The following ANO10 variants were observed in gnomAD, a reference collection of about 807,000 sequenced individuals.
ANO10 encodes the protein anoctamin-10.
A neutral mutation model predicts 74.7 loss-of-function variants in ANO10; 77 were observed. The ratio of observed to expected loss-of-function variants is 1.03; its 90% confidence interval spans 0.86 to 1.25. ANO10 has a LOEUF of 1.25. ANO10 is among the 50% of genes most tolerant of loss of function. The pLI is 0.00. For missense variants in ANO10, 721 were observed against 778.1 expected, an observed-to-expected ratio of 0.93 and a Z score of 0.87; for synonymous variants, 279 against 284.9, an observed-to-expected ratio of 0.98 and a Z score of 0.21.
chr3:43,504,720 G>A (rs2149161424), intron 11 of ANO10, among the ~76,000 whole-genome samples: 1 of 152,070 alleles, frequency 6.6e-6, no homozygotes, highest in South Asian at 2.1e-4. Context: ...TCGGCTCACT[G>A]CAACCTCTGC....
chr3:43,553,595 G>A (rs978831073), intron 10 of ANO10, among the ~76,000 whole-genome samples: 2 of 150,544 alleles, frequency 1.3e-5, no homozygotes, highest in African/African-American at 4.9e-5. Context: ...GGAGTGCAGT[G>A]GCGCAATCCA....
intron 7 of ANO10, among the ~76,000 whole-genome samples, chr3:43,571,295 G>T (rs1292783384): frequency 6.6e-6 from 1 of 152,240 alleles, no homozygotes; most frequent in East Asian, 1.9e-4. Context: ...CAGGGATCTA[G>T]AACTGGAAAT....
chr3:43,460,633 T>C (rs993215470), intron 11 of ANO10, among the ~76,000 whole-genome samples: 1 of 152,142 alleles, frequency 6.6e-6, no homozygotes, highest in Non-Finnish European at 1.5e-5. Flanking sequence ...TAATTCTCAA[T>C]ATGAACAGAT....
In ANO10 at chr3:43,495,128, T is replaced by A. The variant is rs143897459; in HGVS notation, c.1797+54592A>T. 7.2e-3 allele frequency among the ~76,000 whole-genome samples: 1,098 copies of A among 152,146 alleles called. 6 individuals are homozygous for A. Among genetic ancestry groups the A allele is most frequent in the Non-Finnish European group, 0.012 (843 of 67,966 alleles). On this transcript the variant is annotated intron_variant, in intron 11 of 12. Coordinates refer to ENST00000292246, the MANE Select transcript of ANO10 (RefSeq NM_018075.5). ...AAATAACGTGATAAAAGTAGGACTT[T>A]AGGTTACTGGAAAAGACGGTTTAAT... is the stretch of plus-strand genomic sequence containing the variant.
intron 11 of ANO10, among the ~76,000 whole-genome samples, chr3:43,509,488 A>G (rs1339624492): frequency 2.6e-5 from 4 of 152,230 alleles, no homozygotes; most frequent in South Asian, 4.1e-4. Context: ...AATTAAAACT[A>G]CAATGCAATA....
chr3:43,575,782 C>A (rs991832528), intron 6 of ANO10, among the ~76,000 whole-genome samples: 2 of 152,046 alleles, frequency 1.3e-5, no homozygotes, highest in African/African-American at 4.8e-5. Context: ...GGACTACAGG[C>A]GTGTGCCACC....
In ANO10 at chr3:43,672,558, A is replaced by T. The variant is rs554466842; in HGVS notation, c.-12+18959T>A. Among the ~76,000 whole-genome samples the T allele has an allele frequency of 1.1e-4, 16 of 152,198 alleles. 1 individual carries two copies. In the South Asian group the frequency reaches 3.3e-3, roughly 32 times the overall value. The stretch of plus-strand genomic sequence containing the variant: ...AAATTAAAAAACAAACAAACAAACA[A>T]AAAACACCTTATTTCAGATGCACTT... On this transcript the variant is annotated intron_variant, in intron 1 of 3. Coordinates refer to the ANO10 transcript ENST00000413397.
intron 7 of ANO10, among the ~76,000 whole-genome samples, chr3:43,565,953 A>T (rs1575440033): frequency 6.6e-6 from 1 of 152,258 alleles, no homozygotes; most frequent in East Asian, 1.9e-4. Flanking sequence ...AGTGCCAGAC[A>T]GTGGACGCAG....
intron 12 of ANO10, among the ~76,000 whole-genome samples, chr3:43,417,604 T>C (rs567369982): frequency 5.1e-4 from 78 of 152,304 alleles, no homozygotes; most frequent in African/African-American, 1.4e-3. Flanking sequence ...GTTCGTGTCC[T>C]AAATTTTCTT....
intron 1 of ANO10, chr3:43,691,367 GGCC>G (rs2084378109): frequency 4.7e-6 from 1 of 210,896 alleles, no homozygotes; most frequent in African/African-American, 2.3e-5. Flanking sequence ...TGGCCGCGGC[GGCC>G]GCACCGGCTC....
chr3:43,494,930 A>T (rs886871480), intron 11 of ANO10, among the ~76,000 whole-genome samples: 3 of 151,286 alleles, frequency 2.0e-5, no homozygotes, highest in South Asian at 2.1e-4. Flanking sequence ...AAGTTTATAT[A>T]AAAAAAATAA....
chr3:43,482,358 T>C (rs2076306753), intron 11 of ANO10, among the ~76,000 whole-genome samples: 1 of 152,084 alleles, frequency 6.6e-6, no homozygotes. Flanking sequence ...TCAGAATAAG[T>C]CTCTTCAAAT....
intron 11 of ANO10, among the ~76,000 whole-genome samples, chr3:43,440,752 T>A (rs1424898881): frequency 6.6e-6 from 1 of 152,006 alleles, no homozygotes; most frequent in African/African-American, 2.4e-5. Flanking sequence ...GAATAAACAT[T>A]CTTCTCAAGT....
intron 12 of ANO10, chr3:43,372,663 C>G: frequency 3.5e-6 from 2 of 567,470 alleles, no homozygotes; most frequent in South Asian, 4.6e-5. Flanking sequence ...CTGCACTCCT[C>G]GCATTACCAT....
At chr3:43,399,177 C>T (rs1285360611) in intron 12 of ANO10, among the ~76,000 whole-genome samples, 1 of 152,202 alleles carries the variant, frequency 6.6e-6, no homozygotes, top group Non-Finnish European at 1.5e-5. Flanking sequence ...ACACTTAGAA[C>T]AGTGTCTGAA....
Position 43,507,144 on chromosome 3 carries a change from T to C in ANO10, c.1797+42576A>G, listed in dbSNP as rs140063593. Among the ~76,000 whole-genome samples the C allele has an allele frequency of 5.9e-5, 9 of 152,298 alleles. No homozygotes were observed. The East Asian group carries it at 7.7e-4, about 13-fold the overall frequency. ...TTTGTTAGCAGGTTTGGTATCATTA[T>C]CTTTTTATCTACCCAAGAGTTGATA... is the stretch of plus-strand genomic sequence containing the variant. On this transcript the variant is annotated intron_variant, in intron 11 of 12. Transcript: ENST00000292246.
intron 1 of ANO10, among the ~76,000 whole-genome samples, chr3:43,663,443 G>A (rs1186337242): frequency 3.3e-5 from 5 of 152,128 alleles, no homozygotes; most frequent in African/African-American, 1.2e-4. Flanking sequence ...CATACTGAAT[G>A]GGCAAAAACT....
At chr3:43,536,367 C>A (rs2078710364) in intron 11 of ANO10, among the ~76,000 whole-genome samples, 1 of 152,166 alleles carries the variant, frequency 6.6e-6, no homozygotes, top group Non-Finnish European at 1.5e-5. Flanking sequence ...CACATGAATA[C>A]CCTGTGCCCT....
Position 43,493,769 on chromosome 3 carries a change from T to A in ANO10, c.1797+55951A>T, listed in dbSNP as rs142158700. Among the ~76,000 whole-genome samples the A allele has an allele frequency of 2.1e-3, 318 of 152,264 alleles. 1 individual carries two copies. The highest frequency in any genetic ancestry group is 2.6e-3 in the Non-Finnish European group (176 of 68,024). ...AAACAACTTAAGACACAAGTCTCAT[T>A]CTGTCACCCAGGCTGGAGTGCAGTA... On this transcript the variant is annotated intron_variant, in intron 11 of 12. Transcript: ENST00000292246.
Sources: allele counts gnomAD v4.1 joint callset (sites outside exome capture counted in the v4.1 genomes callset), GRCh38; gene constraint gnomAD v4.1.1; transcripts MANE v1.5; gene names NCBI Gene and HGNC (gene_info 2026-07-23, HGNC 2026-07-21).